SHISA9: variants seen among roughly 807,000 people sequenced by gnomAD.
SHISA9 encodes the protein protein shisa-9.
In SHISA9, 13 loss-of-function variants were observed where a neutral mutation model predicts 38.0. That is an observed-to-expected ratio of 0.34 (90% CI 0.22 to 0.54). The LOEUF (loss-of-function observed/expected upper bound fraction) is 0.54. Among genes scored for constraint, SHISA9 ranks in the 20% least tolerant of loss-of-function variants. The pLI, the probability that SHISA9 is intolerant of heterozygous loss-of-function variation, is 0.91. For synonymous variants in SHISA9, 275 were observed against 242.0 expected, an observed-to-expected ratio of 1.14 and a Z score of -1.27; for missense variants, 538 against 575.8, an observed-to-expected ratio of 0.93 and a Z score of 0.67.
the SHISA9 span, among the ~76,000 whole-genome samples, chr16:13,397,167 CAT>C: frequency 6.6e-6 from 1 of 152,282 alleles, no homozygotes; most frequent in East Asian, 1.9e-4. Flanking sequence ...TAACATAAAA[CAT>C]ATGTGTTAAT....
the SHISA9 span, among the ~76,000 whole-genome samples, chr16:13,254,574 T>A: frequency 2.8e-4 from 42 of 152,404 alleles, no homozygotes; most frequent in Non-Finnish European, 4.8e-4. Flanking sequence ...TTGTTATTTC[T>A]GGACTTTTCC....
At chr16:12,977,672 A>T (rs966948390) in intron 2 of SHISA9, among the ~76,000 whole-genome samples, 1 of 152,156 alleles carries the variant, frequency 6.6e-6, no homozygotes, top group Admixed American at 6.5e-5. Flanking sequence ...TTGCAGGGAC[A>T]TGGATGGAGC....
the SHISA9 span, among the ~76,000 whole-genome samples, chr16:13,423,331 T>C: frequency 6.2e-4 from 95 of 152,330 alleles, no homozygotes; most frequent in Admixed American, 1.0e-3. Flanking sequence ...GTTTTCTTTA[T>C]TTTTGTTTTA....
Position 13,044,252 on chromosome 16 carries a change from C to T in SHISA9, c.691+127437C>T, listed in dbSNP as rs543256508. Among the ~76,000 whole-genome samples, 13 of 152,274 alleles carry T rather than the reference C, an allele frequency of 8.5e-5. No homozygotes were observed. In the South Asian group the frequency reaches 1.5e-3, roughly 17 times the overall value. ...TCAGGTTGGTGCAAAAATAATTTTC[C>T]CAATACATGAATGGCAAAAACTGTG... On this transcript the variant is annotated intron_variant, in intron 2 of 4. Transcript: ENST00000558583.
chr16:12,977,667 G>A (rs1022105229), intron 2 of SHISA9, among the ~76,000 whole-genome samples: 1 of 152,104 alleles, frequency 6.6e-6, no homozygotes, highest in African/African-American at 2.4e-5. Flanking sequence ...GTCTTTTGCA[G>A]GGACATGGAT....
chr16:13,196,733 C>G, intron 2 of SHISA9, among the ~76,000 whole-genome samples: 1 of 152,212 alleles, frequency 6.6e-6, no homozygotes. Context: ...CAGGAACTCT[C>G]TGTACTATCT....
intron 2 of SHISA9, among the ~76,000 whole-genome samples, chr16:13,148,314 A>G (rs116559372): frequency 6.6e-6 from 1 of 152,020 alleles, no homozygotes; most frequent in Non-Finnish European, 1.5e-5. Context: ...AGCAGATGCA[A>G]TGCCTTGGGT....
At chr16:13,420,055 G>C in the SHISA9 span, among the ~76,000 whole-genome samples, 6 of 152,000 alleles carry the variant, frequency 3.9e-5, no homozygotes, top group Admixed American at 6.5e-5. Context: ...AGACCAGGCT[G>C]GCCAACATGG....
At chr16:13,076,840 C>A (rs1227816759) in intron 2 of SHISA9, among the ~76,000 whole-genome samples, 1 of 152,166 alleles carries the variant, frequency 6.6e-6, no homozygotes, top group Non-Finnish European at 1.5e-5. Flanking sequence ...GAGACCGTAT[C>A]CCTACTTGTC....
At chr16:13,255,866 C>A in the SHISA9 span, among the ~76,000 whole-genome samples, 301 of 152,218 alleles carry the variant, frequency 2.0e-3, 1 homozygote, top group African/African-American at 6.9e-3. Context: ...ATTTCATGCC[C>A]AGATTAATAG....
chr16:12,947,270 A>G (rs1398901508), intron 2 of SHISA9, among the ~76,000 whole-genome samples: 2 of 152,238 alleles, frequency 1.3e-5, no homozygotes, highest in Non-Finnish European at 2.9e-5. Flanking sequence ...GTGATAAGGT[A>G]CAGATCCTTC....
chr16:13,499,341 A>G, the SHISA9 span, among the ~76,000 whole-genome samples: 2 of 152,226 alleles, frequency 1.3e-5, no homozygotes, highest in Non-Finnish European at 1.5e-5. Flanking sequence ...TATCTTACCT[A>G]TAGGGTGGAA....
the SHISA9 span, among the ~76,000 whole-genome samples, chr16:13,339,930 A>C: frequency 2.0e-5 from 3 of 152,248 alleles, no homozygotes; most frequent in African/African-American, 7.2e-5. Flanking sequence ...AGCTATCAGC[A>C]ATGATTATAT....
chr16:13,156,140 G>A (rs901234135), intron 2 of SHISA9, among the ~76,000 whole-genome samples: 2 of 152,222 alleles, frequency 1.3e-5, no homozygotes, highest in South Asian at 2.1e-4. Context: ...TGCCTTCCTG[G>A]CATTCTTCAT....
chr16:13,457,940 CCTTG>C, the SHISA9 span, among the ~76,000 whole-genome samples: 1 of 151,554 alleles, frequency 6.6e-6, no homozygotes, highest in African/African-American at 2.4e-5. Flanking sequence ...TTCCTTCCTT[CCTTG>C]CTTCCTTCCT....
At chr16:13,051,398 C>T (rs1427764609) in intron 2 of SHISA9, among the ~76,000 whole-genome samples, 4 of 152,096 alleles carry the variant, frequency 2.6e-5, no homozygotes, top group African/African-American at 7.2e-5. Flanking sequence ...GCCCTTGACT[C>T]GGGTTTATTA....
At chr16:13,493,482 G>GA in the SHISA9 span, among the ~76,000 whole-genome samples, 25 of 152,302 alleles carry the variant, frequency 1.6e-4, no homozygotes, top group Middle Eastern at 3.4e-3. Flanking sequence ...AAAGGTAATG[G>GA]TTTTTCATGA....
the SHISA9 span, among the ~76,000 whole-genome samples, chr16:13,404,325 G>A: frequency 6.6e-6 from 1 of 152,194 alleles, no homozygotes; most frequent in East Asian, 1.9e-4. Flanking sequence ...ATACGAAAAT[G>A]AAACAATGAG....
At chr16:13,539,470 C>A in the SHISA9 span, among the ~76,000 whole-genome samples, 5 of 150,938 alleles carry the variant, frequency 3.3e-5, no homozygotes, top group Non-Finnish European at 5.9e-5. Flanking sequence ...AACCACTATG[C>A]TTGGCCCTAA....
Sources: allele counts gnomAD v4.1 joint callset (sites outside exome capture counted in the v4.1 genomes callset), GRCh38; gene constraint gnomAD v4.1.1; transcripts MANE v1.5; gene names NCBI Gene and HGNC (gene_info 2026-07-23, HGNC 2026-07-21).